The following FAM117B variants were observed in gnomAD, a reference collection of about 807,000 sequenced individuals.
The protein encoded by FAM117B is protein FAM117B.
In FAM117B, 22 loss-of-function variants were observed where a neutral mutation model predicts 52.8. The ratio of observed to expected loss-of-function variants is 0.42; its 90% CI spans 0.30 to 0.59. The LOEUF (loss-of-function observed/expected upper bound fraction) is 0.59, where lower values mean the gene tolerates loss of function less well. FAM117B is among the 20% of genes least tolerant of loss of function. The pLI is 0.22. For synonymous variants in FAM117B, 309 were observed against 324.1 expected, an observed-to-expected ratio of 0.95 and a Z score of 0.50; for missense variants, 678 against 802.6, an observed-to-expected ratio of 0.84 and a Z score of 1.88.
intron 1 of FAM117B, among the ~76,000 whole-genome samples, chr2:202,661,718 C>T (rs1559096717): frequency 6.6e-6 from 1 of 152,090 alleles, no homozygotes. Context: ...GAGTTCAAGA[C>T]CAGCCTGGCC....
At chr2:202,643,720 T>C (rs1689809207) in intron 1 of FAM117B, among the ~76,000 whole-genome samples, 1 of 151,856 alleles carries the variant, frequency 6.6e-6, no homozygotes, top group Admixed American at 6.6e-5. Context: ...TCTTTCTTTC[T>C]TTTTTTTGAG....
At chr2:202,638,068 G>A (rs1318876509) in intron 1 of FAM117B, among the ~76,000 whole-genome samples, 4 of 152,018 alleles carry the variant, frequency 2.6e-5, no homozygotes, top group African/African-American at 4.8e-5. Context: ...TAGATACAGG[G>A]TTTCTCCACA....
intron 1 of FAM117B, among the ~76,000 whole-genome samples, chr2:202,683,691 C>T (rs867312515): frequency 1.6e-4 from 24 of 152,180 alleles, no homozygotes; most frequent in Non-Finnish European, 2.5e-4. Context: ...ATGAAAACTC[C>T]AGACCAGATG....
rs201312495 is a variant in FAM117B, at chr2:202,654,950, CTT to C, written c.601+19164_601+19165del. ...ATACGTTTATATATATATATATTCT[CTT>C]TAGAAAAAATGTGCCCCAAAACAAA... On this transcript the variant is annotated intron_variant, in intron 1 of 7. Transcript: ENST00000392238. Among the ~76,000 whole-genome samples, 1,285 of 151,676 alleles carry C rather than the reference CTT, an allele frequency of 8.5e-3. 9 individuals carry two copies. The highest frequency in any genetic ancestry group is 0.02 in the Middle Eastern group (6 of 294).
At chr2:202,715,696 C>A (rs1405922328) in intron 2 of FAM117B, among the ~76,000 whole-genome samples, 7 of 152,216 alleles carry the variant, frequency 4.6e-5, no homozygotes, top group Non-Finnish European at 8.8e-5. Flanking sequence ...CGGGCAGAGG[C>A]TGCAATCTCG....
In FAM117B at chr2:202,757,215, G is replaced by T. The variant is rs756174918; in HGVS notation, c.1107G>T (p.Pro369=). Residue 369 remains proline, a splice_region_variant and synonymous_variant, in exon 6 of 8, where the codon CCG becomes CCT. Transcript: ENST00000392238. The part of the protein sequence containing the change: ...ETGEKEEQLI[P]QDIPDGHRAP... ...ATGTTTTTACAATTTTGTAACAGCC[G>T]CAAGATATTCCAGATGGCCATCGTG... The T allele has an allele frequency of 1.2e-6, 2 of 1,613,530 alleles. No individual in the cohort carries two copies. Among genetic ancestry groups the T allele is most frequent in the Non-Finnish European group, 1.7e-6 (2 of 1,179,684 alleles).
chr2:202,698,615 G>A (rs2105777818), intron 2 of FAM117B, among the ~76,000 whole-genome samples: 1 of 152,156 alleles, frequency 6.6e-6, no homozygotes, highest in Admixed American at 6.5e-5. Context: ...TAGAGATGGA[G>A]TTTCACCATA....
At chr2:202,674,841 T>A (rs1403719647) in intron 1 of FAM117B, among the ~76,000 whole-genome samples, 1 of 152,248 alleles carries the variant, frequency 6.6e-6, no homozygotes, top group Non-Finnish European at 1.5e-5. Context: ...TTTGTTTCAA[T>A]CATTTTAAGA....
rs181185061 is a variant in FAM117B at position 202,683,133 on chromosome 2, G to A, written c.602-12748G>A. On this transcript the variant is annotated intron_variant, in intron 1 of 7. Transcript: ENST00000392238. Reference sequence around the variant, plus strand: ...ACCTGAGGTCAGGAGTTCGAGACCAGCCTGGCTAGCAAGGTGAAACCCCAT... The same window carrying A: ...ACCTGAGGTCAGGAGTTCGAGACCAACCTGGCTAGCAAGGTGAAACCCCAT... Among the ~76,000 whole-genome samples, 329 of 152,260 alleles carry A rather than the reference G, an allele frequency of 2.2e-3. 1 individual carries two copies. Among genetic ancestry groups the A allele is most frequent in the African/African-American group, 7.6e-3 (315 of 41,562 alleles).
intron 1 of FAM117B, among the ~76,000 whole-genome samples, chr2:202,693,537 A>C (rs1276062085): frequency 6.6e-6 from 1 of 152,180 alleles, no homozygotes. Flanking sequence ...TGGAGGTTGC[A>C]GTGAGCCTAG....
chr2:202,743,304 G>T (rs1267212107), intron 4 of FAM117B, among the ~76,000 whole-genome samples: 2 of 152,086 alleles, frequency 1.3e-5, no homozygotes, highest in Non-Finnish European at 2.9e-5. Context: ...TATGGCCAAA[G>T]AAATCATATA....
rs1469045008 is a variant in FAM117B at position 202,768,454 on chromosome 2, T to C, written c.*2690T>C. 2 of 152,550 alleles carry C rather than the reference T, an allele frequency of 1.3e-5. No individual in the cohort carries two copies. Among genetic ancestry groups the C allele is most frequent in the East Asian group, 1.9e-4 (1 of 5,204 alleles). The allele number at this position is 152,550 out of a possible 1,614,324, so 9.4% of individuals were successfully genotyped here. A position where few individuals can be genotyped will look rare whatever the true frequency, so the allele number is the denominator to read the frequency against. On this transcript the variant is annotated 3_prime_UTR_variant, in exon 8 of 8. Transcript: ENST00000392238. ...ACAGATCCCTGGGGTTTGGGAGAAA[T>C]AGAGCTTGAGATTTGAAAAAAAGGT... is the stretch of plus-strand genomic sequence containing the variant.
chr2:202,727,773 G>A (rs1477185611), intron 4 of FAM117B, among the ~76,000 whole-genome samples: 2 of 152,094 alleles, frequency 1.3e-5, no homozygotes, highest in African/African-American at 4.8e-5. Flanking sequence ...AGACTGTCTG[G>A]TTCACGAAGC....
At chr2:202,672,594 A>G (rs1315428194) in intron 1 of FAM117B, among the ~76,000 whole-genome samples, 6 of 152,216 alleles carry the variant, frequency 3.9e-5, no homozygotes, top group Non-Finnish European at 7.3e-5. Flanking sequence ...GTTTTTCACA[A>G]AATTGAAACT....
chr2:202,676,525 A>G (rs1323894471), intron 1 of FAM117B, among the ~76,000 whole-genome samples: 1 of 151,988 alleles, frequency 6.6e-6, no homozygotes, highest in Admixed American at 6.6e-5. Context: ...GATTACAGGC[A>G]TGCGCCACCA....
chr2:202,725,897 G>C (rs537948144), intron 3 of FAM117B, among the ~76,000 whole-genome samples: 1 of 152,084 alleles, frequency 6.6e-6, no homozygotes, highest in African/African-American at 2.4e-5. Flanking sequence ...TTGAAAGCTA[G>C]GTGTTCAATA....
At chr2:202,705,274 C>T (rs1304211640) in intron 2 of FAM117B, among the ~76,000 whole-genome samples, 4 of 151,536 alleles carry the variant, frequency 2.6e-5, no homozygotes, top group African/African-American at 7.3e-5. Context: ...CCATTGCACT[C>T]CAGTCTGGGC....
intron 2 of FAM117B, among the ~76,000 whole-genome samples, chr2:202,721,345 G>A (rs1691149213): frequency 6.6e-6 from 1 of 152,150 alleles, no homozygotes; most frequent in East Asian, 1.9e-4. Flanking sequence ...ATTTACATTT[G>A]ATTAGAATTT....
chr2:202,709,954 T>C (rs1690933529), intron 2 of FAM117B, among the ~76,000 whole-genome samples: 2 of 152,354 alleles, frequency 1.3e-5, no homozygotes, highest in East Asian at 1.9e-4. Context: ...TGTGGATTTA[T>C]TTATGGGCTG....
Sources: allele counts gnomAD v4.1 joint callset (sites outside exome capture counted in the v4.1 genomes callset), GRCh38; gene constraint gnomAD v4.1.1; transcripts MANE v1.5; gene names NCBI Gene and HGNC (gene_info 2026-07-23, HGNC 2026-07-21).